Variants in WWOX observed in about 807,000 individuals in gnomAD.
WWOX encodes the protein WW domain-containing oxidoreductase.
Under a neutral mutation model 46.2 loss-of-function variants are expected in WWOX, and 69 were observed. The observed-to-expected ratio is 1.49, with a 90% CI of 1.23 to 1.82. The LOEUF (loss-of-function observed/expected upper bound fraction) is 1.82. Among genes scored for constraint, WWOX ranks in the 40% most tolerant of loss-of-function variants. WWOX has a pLI of 0.00. For missense variants in WWOX, 919 were observed against 542.6 expected (o/e 1.69, Z -6.89); for synonymous variants, 359 against 202.6 (o/e 1.77, Z -6.56).
intron 5 of WWOX, among the ~76,000 whole-genome samples, chr16:78,297,755 A>ATATCCTGTATATCCTTTATAT (rs1174189276): frequency 2.6e-4 from 39 of 152,162 alleles, no homozygotes; most frequent in Non-Finnish European, 5.9e-5. Context: ...AAAAGTCATG[A>ATATCCTGTATATCCTTTATAT]CCTGTCTTTA....
At chr16:78,172,631 C>G (rs575182646) in intron 5 of WWOX, among the ~76,000 whole-genome samples, 26 of 151,170 alleles carry the variant, frequency 1.7e-4, no homozygotes, top group African/African-American at 6.1e-4. Context: ...CAGTCTTGAA[C>G]CGAATCTTTC....
chr16:78,280,332 A>T (rs879185686), intron 5 of WWOX, among the ~76,000 whole-genome samples: 4 of 152,190 alleles, frequency 2.6e-5, no homozygotes, highest in Admixed American at 2.6e-4. Flanking sequence ...ACATGTTTTA[A>T]GATTAACATA....
At chr16:78,554,005 C>T (rs918247141) in intron 8 of WWOX, among the ~76,000 whole-genome samples, 1 of 152,006 alleles carries the variant, frequency 6.6e-6, no homozygotes, top group Non-Finnish European at 1.5e-5. Flanking sequence ...TTTCTGAGGG[C>T]ATCAAACACG....
chr16:78,712,678 C>T (rs2048468381), intron 8 of WWOX, among the ~76,000 whole-genome samples: 1 of 151,882 alleles, frequency 6.6e-6, no homozygotes, highest in Non-Finnish European at 1.5e-5. Context: ...AAGAGAGTAG[C>T]CTTCATTTTT....
chr16:79,184,614 C>G (rs2050977175), intron 8 of WWOX, among the ~76,000 whole-genome samples: 1 of 152,234 alleles, frequency 6.6e-6, no homozygotes, highest in Non-Finnish European at 1.5e-5. Context: ...CAGCCTGTAC[C>G]TGCCTCTCCT....
chr16:78,299,212 A>G (rs993383623), intron 5 of WWOX, among the ~76,000 whole-genome samples: 2 of 152,042 alleles, frequency 1.3e-5, no homozygotes, highest in Non-Finnish European at 2.9e-5. Flanking sequence ...AGTGGAGGCT[A>G]TTACTCAGTG....
chr16:78,212,136 GA>G (rs898410375), intron 5 of WWOX, among the ~76,000 whole-genome samples: 1 of 152,184 alleles, frequency 6.6e-6, no homozygotes, highest in Non-Finnish European at 1.5e-5. Flanking sequence ...CCTCATTCCA[GA>G]GGCTAGCACC....
intron 8 of WWOX, among the ~76,000 whole-genome samples, chr16:79,010,260 T>C (rs1433896791): frequency 6.6e-6 from 1 of 152,152 alleles, no homozygotes; most frequent in Non-Finnish European, 1.5e-5. Context: ...AGCTGGGGAC[T>C]CAGAGAGGAG....
At chr16:78,978,577 A>T (rs973889899) in intron 8 of WWOX, among the ~76,000 whole-genome samples, 5 of 152,152 alleles carry the variant, frequency 3.3e-5, no homozygotes, top group Non-Finnish European at 5.9e-5. Context: ...TTGGCTCATG[A>T]TTCTGCAGGC....
chr16:78,487,370 G>A (rs888877872), intron 8 of WWOX, among the ~76,000 whole-genome samples: 13 of 152,060 alleles, frequency 8.5e-5, no homozygotes, highest in Admixed American at 3.3e-4. Context: ...CCCCAATTCC[G>A]TATCCCATCT....
chr16:79,067,098 G>A (rs867802401), intron 8 of WWOX, among the ~76,000 whole-genome samples: 9 of 152,196 alleles, frequency 5.9e-5, no homozygotes, highest in South Asian at 2.1e-4. Flanking sequence ...CCTGAAAGGA[G>A]CATAGCTGGA....
At chr16:78,898,362 A>G (rs940234229) in intron 8 of WWOX, 1 of 151,918 alleles carries the variant, frequency 6.6e-6, no homozygotes, top group African/African-American at 2.4e-5. Context: ...TCTCCATAAG[A>G]CTCTCCAATT....
intron 5 of WWOX, among the ~76,000 whole-genome samples, chr16:78,347,606 T>C (rs1436369977): frequency 8.3e-6 from 1 of 121,164 alleles, no homozygotes; most frequent in Non-Finnish European, 2.0e-5. Flanking sequence ...AATATTCGTC[T>C]AATAAATAAA....
At chr16:78,719,352 A>G (rs1242691582) in intron 8 of WWOX, among the ~76,000 whole-genome samples, 1 of 152,202 alleles carries the variant, frequency 6.6e-6, no homozygotes, top group Non-Finnish European at 1.5e-5. Context: ...TGAGACCACC[A>G]TTTGCTAAAT....
rs1300526888 is a variant in WWOX, at chr16:78,642,590, A to C, written c.1056+209838A>C. Among the ~76,000 whole-genome samples the C allele has an allele frequency of 3.3e-5, 5 of 152,084 alleles. 1 individual carries two copies. Among genetic ancestry groups the C allele is most frequent in the African/African-American group, 7.2e-5 (3 of 41,400 alleles). On this transcript the variant is annotated intron_variant, in intron 8 of 8. Transcript: ENST00000566780. The stretch of plus-strand genomic sequence containing the variant: ...ACTTGTTGGATGAGATTTCCGGGCA[A>C]GTTGAGTCTCCATGTTTTTGTCGTG...
At chr16:78,829,014 C>T (rs929874959) in intron 8 of WWOX, among the ~76,000 whole-genome samples, 6 of 152,178 alleles carry the variant, frequency 3.9e-5, no homozygotes, top group African/African-American at 1.2e-4. Context: ...GACTTCTTCT[C>T]CTTGCCATTC....
At chr16:78,774,579 C>G (rs553307886) in intron 8 of WWOX, among the ~76,000 whole-genome samples, 2 of 151,868 alleles carry the variant, frequency 1.3e-5, no homozygotes, top group African/African-American at 4.8e-5. Context: ...TCCCCCCCCA[C>G]ACATATGCAC....
intron 8 of WWOX, among the ~76,000 whole-genome samples, chr16:78,660,252 A>T (rs1025509118): frequency 2.6e-5 from 4 of 152,184 alleles, no homozygotes; most frequent in Non-Finnish European, 5.9e-5. Context: ...TAAGTGGTAG[A>T]TGCGGACTGG....
At chr16:79,039,884 T>G (rs1317831011) in intron 8 of WWOX, among the ~76,000 whole-genome samples, 1 of 152,192 alleles carries the variant, frequency 6.6e-6, no homozygotes, top group African/African-American at 2.4e-5. Context: ...GAAGCCACAT[T>G]CCATGGACTG....
Sources: gnomAD v4.1 joint callset for allele counts (sites outside exome capture counted in the v4.1 genomes callset) on GRCh38, gnomAD v4.1.1 for gene constraint, MANE v1.5 for transcripts, NCBI Gene and HGNC (gene_info 2026-07-23, HGNC 2026-07-21) for gene names.